CLEC2A: variants seen among roughly 807,000 people sequenced by gnomAD.
CLEC2A encodes the protein C-type lectin domain family 2 member A.
In CLEC2A, 19 loss-of-function variants were observed where a neutral mutation model predicts 18.6. The observed-to-expected ratio is 1.02, with a 90% CI of 0.71 to 1.50. The LOEUF (loss-of-function observed/expected upper bound fraction) is 1.50, where lower values mean the gene tolerates loss of function less well. Ranked by LOEUF, CLEC2A falls within the 40% of genes most tolerant of loss-of-function variation. CLEC2A has a pLI of 0.00. For missense variants in CLEC2A, 190 were observed against 207.9 expected (o/e 0.91, Z 0.53); for synonymous variants, 74 against 64.0 (o/e 1.16, Z -0.75).
chr12:9,895,257 A>C (rs111379024), downstream of CLEC2A, among the ~76,000 whole-genome samples: 1,463 of 152,366 alleles, frequency 9.6e-3, 19 homozygotes, highest in African/African-American at 0.034. Flanking sequence ...AAAATTATTT[A>C]TGCTGCTATG....
At chr12:9,880,520 A>G in the CLEC2A span, among the ~76,000 whole-genome samples, 15 of 147,220 alleles carry the variant, frequency 1.0e-4, no homozygotes, top group East Asian at 9.8e-4. Flanking sequence ...AACCATTAGC[A>G]TGTGTGTGTG....
chr12:9,900,346 C>T (rs984700494), intron 4 of CLEC2A, among the ~76,000 whole-genome samples: 15 of 152,080 alleles, frequency 9.9e-5, no homozygotes, highest in African/African-American at 2.2e-4. Flanking sequence ...TTCAAAACAA[C>T]GAGTGATCTT....
the CLEC2A span, among the ~76,000 whole-genome samples, chr12:9,880,501 CAG>C: frequency 5.4e-4 from 81 of 151,330 alleles, 2 homozygotes; most frequent in South Asian, 0.017. Context: ...GGCCACGTAG[CAG>C]AAACAGAACC....
chr12:9,893,488 A>C, the CLEC2A span: 1 of 1,525,130 alleles, frequency 6.6e-7, no homozygotes, highest in Non-Finnish European at 8.8e-7. Flanking sequence ...TATATGTTAC[A>C]TTCCAAGGGA....
chr12:9,913,443 A>G lies in CLEC2A; in HGVS notation c.*123T>C, dbSNP rs1257995077. On this transcript the variant is annotated 3_prime_UTR_variant, in exon 5 of 5. Coordinates refer to ENST00000455827, the MANE Select transcript of CLEC2A (RefSeq NM_001130711.2). ...AGCAAGAAGTTTCCATCTATAAACT[A>G]GAAAATGGGCCCTCACCAGAGGTTC... 2 of 1,423,504 alleles carry G rather than the reference A, an allele frequency of 1.4e-6. No homozygotes were observed. The highest frequency in any genetic ancestry group is 1.5e-5 in the African/African-American group (1 of 68,868). The allele number at this position is 1,423,504 out of a possible 1,614,324, so 88.2% of individuals were successfully genotyped here. A position where few individuals can be genotyped will look rare whatever the true frequency, so the allele number is the denominator to read the frequency against.
At chr12:9,899,757 G>A (rs1054419293) in intron 4 of CLEC2A, among the ~76,000 whole-genome samples, 1 of 152,170 alleles carries the variant, frequency 6.6e-6, no homozygotes, top group Non-Finnish European at 1.5e-5. Context: ...TTATGCCATG[G>A]ATATCAATGT....
chr12:9,888,169 T>A, the CLEC2A span, among the ~76,000 whole-genome samples: 13 of 148,562 alleles, frequency 8.8e-5, no homozygotes, highest in Admixed American at 8.7e-4. Flanking sequence ...TGTAACATCA[T>A]ACATGAAGTC....
intron 4 of CLEC2A, among the ~76,000 whole-genome samples, chr12:9,907,424 A>G (rs1043912345): frequency 6.6e-6 from 1 of 152,140 alleles, no homozygotes; most frequent in African/African-American, 2.4e-5. Flanking sequence ...ACTAATCCTA[A>G]ACATTTTTGG....
the CLEC2A span, chr12:9,893,281 C>T: frequency 9.2e-6 from 9 of 975,920 alleles, no homozygotes; most frequent in African/African-American, 1.6e-5. Flanking sequence ...ATGTGTTAGC[C>T]ACAATGTAGT....
At chr12:9,894,126 T>TTCTCTCTCTCTCTCTC (rs141327204), downstream of CLEC2A, among the ~76,000 whole-genome samples, 169 of 130,276 alleles carry the variant, frequency 1.3e-3, 2 homozygotes, top group African/African-American at 4.5e-3. Flanking sequence ...TTTCTTTTCT[T>TTCTCTCTCTCTCTCTC]TCTCTCTCTC....
In CLEC2A at chr12:9,922,069, G is replaced by A; in HGVS notation, c.303C>T (p.Asp101=). 10 of 1,535,204 alleles carry A rather than the reference G, an allele frequency of 6.5e-6. No homozygotes were observed. Among genetic ancestry groups the A allele is most frequent in the Non-Finnish European group, 7.0e-6 (8 of 1,140,314 alleles). The change falls in exon 3 of 5, where the codon GAC becomes GAT. Residue 101 remains aspartate, a synonymous_variant. Transcript: ENST00000455827. ...GAAGACTTTTCTGTTTTCTTACCAT[G>A]TCTTCTTGTGTATCAATCTGAGCAA... The part of the protein sequence containing the change: ...AELAQIDTQE[D]MEFLKRYAGT...
chr12:9,894,007 T>C (rs955117417), downstream of CLEC2A, among the ~76,000 whole-genome samples: 1 of 152,076 alleles, frequency 6.6e-6, no homozygotes, highest in African/African-American at 2.4e-5. Flanking sequence ...AACTTGTTGA[T>C]ATCCATTTCT....
the CLEC2A span, among the ~76,000 whole-genome samples, chr12:9,890,577 C>A: frequency 6.6e-6 from 1 of 152,180 alleles, no homozygotes; most frequent in Admixed American, 6.5e-5. Context: ...AAGCTGAATT[C>A]TTTAAAGGCA....
downstream of CLEC2A, among the ~76,000 whole-genome samples, chr12:9,896,246 T>G (rs1373653165): frequency 6.6e-6 from 1 of 152,170 alleles, no homozygotes; most frequent in Non-Finnish European, 1.5e-5. Flanking sequence ...TTCTGAATTT[T>G]TCATCTGTGT....
At chr12:9,926,196 T>C (rs556113160) in intron 2 of CLEC2A, 64 bp downstream of exon 2, 1 of 957,956 alleles carries the variant, frequency 1.0e-6, no homozygotes, top group South Asian at 1.5e-5. Flanking sequence ...GAGTTAAACT[T>C]GAGATATACA....
At chr12:9,922,888 C>A (rs552534255) in intron 2 of CLEC2A, among the ~76,000 whole-genome samples, 1 of 152,240 alleles carries the variant, frequency 6.6e-6, no homozygotes, top group East Asian at 1.9e-4. Context: ...GTAGGGCAAA[C>A]TCCAAAGGCT....
At chr12:9,884,243 T>C in the CLEC2A span, among the ~76,000 whole-genome samples, 768 of 152,216 alleles carry the variant, frequency 5.0e-3, 3 homozygotes, top group African/African-American at 0.018. Flanking sequence ...ATAAGGAAGC[T>C]ATTCTTGCCA....
At chr12:9,907,274 T>G (rs1225252403) in intron 4 of CLEC2A, among the ~76,000 whole-genome samples, 1 of 152,222 alleles carries the variant, frequency 6.6e-6, no homozygotes, top group East Asian at 1.9e-4. Context: ...GGGGCAGTTA[T>G]AAGCATATGT....
intron 1 of CLEC2A, among the ~76,000 whole-genome samples, chr12:9,931,954 A>G (rs1049055286): frequency 2.6e-5 from 4 of 152,196 alleles, no homozygotes; most frequent in African/African-American, 9.7e-5. Context: ...AGAGTGAAGC[A>G]TTTGCTTTTT....
Sources: allele counts gnomAD v4.1 joint callset (sites outside exome capture counted in the v4.1 genomes callset), GRCh38; gene constraint gnomAD v4.1.1; transcripts MANE v1.5; gene names NCBI Gene and HGNC (gene_info 2026-07-23, HGNC 2026-07-21).